The following TNKS variants were observed in gnomAD, a reference collection of about 807,000 sequenced individuals.
The protein encoded by TNKS is poly [ADP-ribose] polymerase tankyrase-1.
In TNKS, 72 loss-of-function variants were observed where a neutral mutation model predicts 135.8. That is an observed-to-expected ratio of 0.53 (90% CI 0.44 to 0.64). TNKS has a LOEUF of 0.64. Ranked by LOEUF, TNKS falls within the 30% of genes least tolerant of loss-of-function variation. TNKS has a pLI of 0.00. For missense variants in TNKS, 1,769 were observed against 1,674.0 expected (o/e 1.06, Z -0.99); for synonymous variants, 849 against 649.3 (o/e 1.31, Z -4.68).
intron 5 of TNKS, among the ~76,000 whole-genome samples, chr8:9,693,782 AAGT>A (rs1803386904): frequency 6.6e-6 from 1 of 152,234 alleles, no homozygotes; most frequent in South Asian, 2.1e-4. Flanking sequence ...TTACTACTAA[AAGT>A]AGAGTACAAT....
chr8:9,665,279 A>G (rs958475639), intron 3 of TNKS, among the ~76,000 whole-genome samples: 3 of 152,150 alleles, frequency 2.0e-5, no homozygotes, highest in Non-Finnish European at 4.4e-5. Flanking sequence ...CTTCACTTAC[A>G]TATTTGAACA....
chr8:9,583,460 A>G (rs189325947), intron 2 of TNKS, among the ~76,000 whole-genome samples: 4 of 152,074 alleles, frequency 2.6e-5, no homozygotes, highest in Non-Finnish European at 5.9e-5. Flanking sequence ...CAAAACCACT[A>G]AATAGCTTTT....
At chr8:9,688,803 C>T (rs899815942) in intron 5 of TNKS, among the ~76,000 whole-genome samples, 1 of 152,138 alleles carries the variant, frequency 6.6e-6, no homozygotes, top group African/African-American at 2.4e-5. Context: ...CCATACCCAG[C>T]TAATTTTTTG....
intron 25 of TNKS, among the ~76,000 whole-genome samples, chr8:9,769,682 C>CG (rs1807697210): frequency 7.1e-6 from 1 of 140,562 alleles, no homozygotes; most frequent in South Asian, 2.3e-4. Flanking sequence ...TGCAGTGGCG[C>CG]GATCTCGGCT....
rs867665547 is a variant in TNKS at position 9,735,289 on chromosome 8, C to T, written c.2534-88C>T. The T allele has an allele frequency of 5.4e-6, 7 of 1,300,854 alleles. No individual in the cohort carries two copies. The Middle Eastern group carries it at 7.5e-4, about 139-fold the overall frequency. 80.6% of individuals were successfully genotyped at this position (1,300,854 alleles called of 1,614,324 possible). ...CTTTTGAAGCAAAAAGTATTAAAAC[C>T]TTAACATTTTCTGGTCCTTATTACA... On this transcript the variant is annotated intron_variant, in intron 16 of 26. Transcript: ENST00000310430.
At chr8:9,745,435 TCA>T (rs1806184774) in intron 17 of TNKS, among the ~76,000 whole-genome samples, 2 of 152,156 alleles carry the variant, frequency 1.3e-5, no homozygotes, top group African/African-American at 4.8e-5. Flanking sequence ...AGATGGAATC[TCA>T]CTCTTCACCC....
intron 26 of TNKS, among the ~76,000 whole-genome samples, chr8:9,775,829 C>T (rs1808199965): frequency 6.6e-6 from 1 of 151,640 alleles, no homozygotes; most frequent in African/African-American, 2.4e-5. Context: ...AGTCACAGAC[C>T]ACTCTGAACT....
At chr8:9,709,911 A>C in intron 9 of TNKS, 44 bp from the exon 10 acceptor site, 2 of 1,452,466 alleles carry the variant, frequency 1.4e-6, no homozygotes, top group Non-Finnish European at 1.9e-6. Flanking sequence ...GCTACTGTAC[A>C]TATGGAAGTG....
chr8:9,716,604 G>A (rs186545678), intron 11 of TNKS, among the ~76,000 whole-genome samples: 2 of 152,178 alleles, frequency 1.3e-5, no homozygotes, highest in African/African-American at 4.8e-5. Flanking sequence ...CAAAAGACCA[G>A]AACAAGGAAT....
rs998816194 is a variant in TNKS at position 9,780,072 on chromosome 8, C to T, written c.*3336C>T. 2.0e-5 allele frequency: 3 copies of T among 152,078 alleles called. No individual in the cohort carries two copies. Among genetic ancestry groups the T allele is most frequent in the Non-Finnish European group, 2.9e-5 (2 of 68,028 alleles). 9.4% of individuals were successfully genotyped at this position (152,078 alleles called of 1,614,324 possible). A position where few individuals can be genotyped will look rare whatever the true frequency, so the allele number is the denominator to read the frequency against. ...TAGATTAACATTCTATTATTGTATCCGTTTTACAAAAAATAAAATTTTGAT... is the reference window on the plus strand; with the variant it reads ...TAGATTAACATTCTATTATTGTATCTGTTTTACAAAAAATAAAATTTTGAT... On this transcript the variant is annotated 3_prime_UTR_variant, in exon 27 of 27. Transcript: ENST00000310430.
chr8:9,718,101 C>G (rs1326539480), intron 11 of TNKS, among the ~76,000 whole-genome samples: 1 of 152,070 alleles, frequency 6.6e-6, no homozygotes, highest in Non-Finnish European at 1.5e-5. Context: ...AGAGTTTAAA[C>G]TTTGTTCTCA....
Position 9,777,184 on chromosome 8 carries a change from TGTTTG to T in TNKS, c.*449_*453del, listed in dbSNP as rs1173489923. The T allele has an allele frequency of 6.4e-6, 1 of 157,092 alleles. No homozygotes were observed. The highest frequency in any genetic ancestry group is 1.9e-4 in the East Asian group (1 of 5,348). The allele number at this position is 157,092 out of a possible 1,614,324, so 9.7% of individuals were successfully genotyped here. A position where few individuals can be genotyped will look rare whatever the true frequency, so the allele number is the denominator to read the frequency against. ...CAGACATGCATCATTGGCTATTGTT[TGTTTG>T]TTTTTTGTTTTTTTGTGTTTTTTGG... On this transcript the variant is annotated 3_prime_UTR_variant, in exon 27 of 27. Coordinates refer to ENST00000310430, the MANE Select transcript of TNKS (RefSeq NM_003747.3).
intron 2 of TNKS, among the ~76,000 whole-genome samples, chr8:9,593,426 A>G (rs1288269661): frequency 6.6e-6 from 1 of 152,264 alleles, no homozygotes; most frequent in Non-Finnish European, 1.5e-5. Flanking sequence ...TTAAGAATAC[A>G]TCATACATAT....
Position 9,595,443 on chromosome 8 carries a change from C to G in TNKS, c.898+15060C>G, listed in dbSNP as rs541379222. ...AGTACTCTTAACGTTGATGACTTGT[C>G]TGCTTGTGTTCCAACTGCTTTCAGG... On this transcript the variant is annotated intron_variant, in intron 2 of 26. Transcript: ENST00000310430. 2.0e-5 allele frequency among the ~76,000 whole-genome samples: 3 copies of G among 152,204 alleles called. No individual in the cohort carries two copies. In the South Asian group the frequency reaches 6.2e-4, roughly 32 times the overall value.
intron 3 of TNKS, among the ~76,000 whole-genome samples, chr8:9,624,092 C>G (rs1012064082): frequency 6.6e-6 from 1 of 152,098 alleles, no homozygotes; most frequent in African/African-American, 2.4e-5. Context: ...TACTTCAAGT[C>G]CTTCCAATGA....
chr8:9,636,772 G>A lies in TNKS; in HGVS notation c.994+21095G>A, dbSNP rs542906800. On this transcript the variant is annotated intron_variant, in intron 3 of 26. Coordinates refer to ENST00000310430, the MANE Select transcript of TNKS (RefSeq NM_003747.3). ...CTTTCACTTCACTCTTTGAGAATAC[G>A]TTACGTTAGATGGACACCAGATGAG... 9.9e-5 allele frequency among the ~76,000 whole-genome samples: 15 copies of A among 152,138 alleles called. No individual in the cohort carries two copies. The South Asian group carries it at 2.7e-3, about 27-fold the overall frequency.
intron 2 of TNKS, among the ~76,000 whole-genome samples, chr8:9,613,938 CT>C (rs1241843824): frequency 2.6e-5 from 4 of 152,174 alleles, no homozygotes; most frequent in Non-Finnish European, 2.9e-5. Flanking sequence ...TCATTTACTT[CT>C]TGTTTAAAGC....
chr8:9,559,827 T>C (rs1163677318), intron 1 of TNKS, among the ~76,000 whole-genome samples: 1 of 152,234 alleles, frequency 6.6e-6, no homozygotes, highest in Non-Finnish European at 1.5e-5. Flanking sequence ...AAGAATCCTT[T>C]GTATCCTATC....
chr8:9,685,396 A>G (rs916426122), intron 5 of TNKS, among the ~76,000 whole-genome samples: 2 of 152,184 alleles, frequency 1.3e-5, no homozygotes, highest in Admixed American at 1.3e-4. Flanking sequence ...GGATTAAGTG[A>G]AATAATGTGG....
Sources: gnomAD v4.1 joint callset for allele counts (sites outside exome capture counted in the v4.1 genomes callset) on GRCh38, gnomAD v4.1.1 for gene constraint, MANE v1.5 for transcripts, NCBI Gene and HGNC (gene_info 2026-07-23, HGNC 2026-07-21) for gene names.